SLIT3: variants seen among roughly 807,000 people sequenced by gnomAD.
SLIT3 encodes the protein slit homolog 3 protein.
SLIT3 carries 68 observed loss-of-function variants against 184.0 expected under a neutral mutation model. The observed-to-expected ratio is 0.37, with a 90% CI of 0.30 to 0.45. The LOEUF (loss-of-function observed/expected upper bound fraction) is 0.45, where lower values mean the gene tolerates loss of function less well. Ranked by LOEUF, SLIT3 falls within the 20% of genes least tolerant of loss-of-function variation. The pLI is 1.00. For synonymous variants in SLIT3, 831 were observed against 828.6 expected, an observed-to-expected ratio of 1.00 and a Z score of -0.05; for missense variants, 1,707 against 2,026.0, an observed-to-expected ratio of 0.84 and a Z score of 3.02.
chr5:169,059,024 G>A (rs1461564793), intron 4 of SLIT3, among the ~76,000 whole-genome samples: 1 of 152,186 alleles, frequency 6.6e-6, no homozygotes, highest in Non-Finnish European at 1.5e-5. Context: ...TTTGCCAAGG[G>A]AGCTGAGAAG....
intron 28 of SLIT3, among the ~76,000 whole-genome samples, chr5:168,695,656 G>A (rs923096026): frequency 2.0e-5 from 3 of 152,122 alleles, no homozygotes; most frequent in Non-Finnish European, 4.4e-5. Flanking sequence ...GGTTATTAAT[G>A]TAGGAAAATA....
intron 4 of SLIT3, among the ~76,000 whole-genome samples, chr5:169,157,989 G>C (rs940413647): frequency 5.3e-5 from 8 of 151,304 alleles, no homozygotes; most frequent in African/African-American, 1.7e-4. Context: ...CAGAGCCCCA[G>C]GGATCAAACA....
intron 12 of SLIT3, among the ~76,000 whole-genome samples, chr5:168,781,844 C>G (rs1755982394): frequency 6.6e-6 from 1 of 152,140 alleles, no homozygotes. Context: ...TACCCAGGTT[C>G]CAATCCTGGC....
At chr5:169,039,233 G>A (rs778760688) in intron 4 of SLIT3, among the ~76,000 whole-genome samples, 2 of 151,934 alleles carry the variant, frequency 1.3e-5, no homozygotes, top group Admixed American at 6.6e-5. Flanking sequence ...GGGGGTACAG[G>A]CTTTGCATTT....
At chr5:168,819,469 A>T (rs1396452371) in intron 7 of SLIT3, among the ~76,000 whole-genome samples, 1 of 152,168 alleles carries the variant, frequency 6.6e-6, no homozygotes, top group African/African-American at 2.4e-5. Context: ...GGAGAAGCAG[A>T]ACCTTTTAAT....
intron 12 of SLIT3, among the ~76,000 whole-genome samples, chr5:168,784,603 T>A (rs1432846791): frequency 2.0e-5 from 3 of 152,184 alleles, no homozygotes; most frequent in Non-Finnish European, 1.5e-5. Context: ...TTAAAGGACA[T>A]GGGAAGGGTA....
intron 4 of SLIT3, among the ~76,000 whole-genome samples, chr5:168,986,309 G>A (rs73312260): frequency 0.033 from 4,960 of 152,160 alleles, 96 homozygotes; most frequent in Middle Eastern, 0.058. Flanking sequence ...ACTTGAGATC[G>A]GTCAGTTTGT....
chr5:168,762,713 G>T, intron 14 of SLIT3, 24 bp from the exon 15 acceptor site: 2 of 1,608,692 alleles, frequency 1.2e-6, no homozygotes, highest in Non-Finnish European at 1.7e-6. Flanking sequence ...AAGAGGGGAC[G>T]TCAGCGTCAC....
intron 3 of SLIT3, among the ~76,000 whole-genome samples, chr5:169,233,836 G>A (rs936935409): frequency 7.3e-5 from 11 of 149,910 alleles, no homozygotes; most frequent in Non-Finnish European, 1.2e-4. Flanking sequence ...CCTATTTTTC[G>A]AATCATTGCC....
chr5:168,920,122 C>T (rs1673689296), intron 4 of SLIT3, among the ~76,000 whole-genome samples: 1 of 152,138 alleles, frequency 6.6e-6, no homozygotes, highest in Non-Finnish European at 1.5e-5. Context: ...CAACAATGAC[C>T]TTCTTTTTGG....
At chr5:168,844,534 T>TACACACACATGCACGCACACAC in intron 6 of SLIT3, 50 bp downstream of exon 6, 1 of 1,535,042 alleles carries the variant, frequency 6.5e-7, no homozygotes, top group Non-Finnish European at 9.0e-7. Context: ...CACACACACA[T>TACACACACATGCACGCACACAC]ACACACACAT....
chr5:168,732,005 A>G (rs897282688), intron 20 of SLIT3, among the ~76,000 whole-genome samples: 2 of 152,054 alleles, frequency 1.3e-5, no homozygotes, highest in African/African-American at 4.8e-5. Context: ...GAAGTCAAAT[A>G]TTTCTGCTGA....
intron 4 of SLIT3, among the ~76,000 whole-genome samples, chr5:169,088,617 G>A (rs964637658): frequency 1.3e-5 from 2 of 152,042 alleles, no homozygotes; most frequent in African/African-American, 4.8e-5. Flanking sequence ...CCATGAGCTG[G>A]GGCAAGGGTC....
intron 4 of SLIT3, among the ~76,000 whole-genome samples, chr5:169,119,353 A>C (rs1349724344): frequency 6.6e-6 from 1 of 152,228 alleles, no homozygotes; most frequent in Admixed American, 6.5e-5. Flanking sequence ...ATGGTTTGAT[A>C]GAGGGACTTC....
chr5:168,675,856 A>G (rs1172886889), intron 32 of SLIT3, among the ~76,000 whole-genome samples: 2 of 152,168 alleles, frequency 1.3e-5, no homozygotes, highest in African/African-American at 2.4e-5. Flanking sequence ...GGCAGAGGAC[A>G]TGCAGGAGCC....
At chr5:168,959,565 C>G (rs1762939746) in intron 4 of SLIT3, among the ~76,000 whole-genome samples, 1 of 152,194 alleles carries the variant, frequency 6.6e-6, no homozygotes, top group Non-Finnish European at 1.5e-5. Flanking sequence ...GAGAAACCAC[C>G]TGTCACAGGC....
Position 169,300,864 on chromosome 5 carries a change from G to T in SLIT3, c.-155C>A, listed in dbSNP as rs1031509651. 6 of 600,666 alleles carry T rather than the reference G, an allele frequency of 1.0e-5. No homozygotes were observed. Among genetic ancestry groups the T allele is most frequent in the Non-Finnish European group, 1.4e-5 (6 of 430,590 alleles). 37.2% of individuals were successfully genotyped at this position (600,666 alleles called of 1,614,324 possible). ...CTCGGTGCTCAGGCGCACGGGGCGC[G>T]GGCGGAGCGGGGCGCTCCGGGCGGC... On this transcript the variant is annotated 5_prime_UTR_variant, in exon 1 of 36. Transcript: ENST00000519560. This position sits in a 1 kb window ranked among gnomAD's most constrained non-coding sequence, Gnocchi z 4.1.
chr5:168,959,849 C>A (rs1206871943), intron 4 of SLIT3, among the ~76,000 whole-genome samples: 1 of 152,100 alleles, frequency 6.6e-6, no homozygotes, highest in Admixed American at 6.5e-5. Flanking sequence ...CAACATTTAC[C>A]GAGTTCTCAC....
intron 4 of SLIT3, among the ~76,000 whole-genome samples, chr5:168,891,748 T>C (rs577103447): frequency 5.3e-5 from 8 of 151,986 alleles, no homozygotes; most frequent in African/African-American, 1.7e-4. Context: ...ACAGATGGAG[T>C]TGAGATTATA....
Sources: gnomAD v4.1 joint callset for allele counts (sites outside exome capture counted in the v4.1 genomes callset) on GRCh38, gnomAD v4.1.1 for gene constraint, Gnocchi (gnomAD v3.1) non-coding constraint, MANE v1.5 for transcripts, NCBI Gene and HGNC (gene_info 2026-07-23, HGNC 2026-07-21) for gene names.